ADGRV1: variants seen among roughly 807,000 people sequenced by gnomAD.
ADGRV1 encodes adhesion G protein-coupled receptor V1.
A neutral mutation model predicts 596.2 loss-of-function variants in ADGRV1; 359 were observed. The observed-to-expected ratio is 0.60, with a 90% CI of 0.55 to 0.66. The LOEUF is 0.66. Among genes scored for constraint, ADGRV1 ranks in the 30% least tolerant of loss-of-function variants. The pLI, the probability that ADGRV1 is intolerant of heterozygous loss-of-function variation, is 0.00. For synonymous variants in ADGRV1, 2,681 were observed against 2,679.2 expected, an observed-to-expected ratio of 1.00 and a Z score of -0.02; for missense variants, 7,274 against 7,575.6, an observed-to-expected ratio of 0.96 and a Z score of 1.48.
At chr5:90,861,156 A>G (rs1767514293) in intron 82 of ADGRV1, among the ~76,000 whole-genome samples, 1 of 152,182 alleles carries the variant, frequency 6.6e-6, no homozygotes, top group South Asian at 2.1e-4. Context: ...TAGGAAAAAA[A>G]AGAAAAGGCA....
intron 1 of ADGRV1, among the ~76,000 whole-genome samples, chr5:90,578,281 A>G (rs1389130903): frequency 2.0e-5 from 3 of 152,142 alleles, no homozygotes; most frequent in Admixed American, 6.5e-5. Context: ...TTTGAGATAC[A>G]TTCCATCAAT....
intron 85 of ADGRV1, among the ~76,000 whole-genome samples, chr5:91,030,787 G>A (rs1367878005): frequency 3.9e-5 from 6 of 152,208 alleles, no homozygotes; most frequent in African/African-American, 1.2e-4. Context: ...TCATCAACAT[G>A]ATTTTGTAGT....
chr5:90,905,938 A>G (rs189872168), intron 83 of ADGRV1, among the ~76,000 whole-genome samples: 57 of 152,108 alleles, frequency 3.7e-4, no homozygotes, highest in South Asian at 8.3e-4. Context: ...TTTTATTATG[A>G]AGGAATGTTG....
chr5:91,023,606 A>G (rs944586003), intron 85 of ADGRV1, among the ~76,000 whole-genome samples: 2 of 152,242 alleles, frequency 1.3e-5, no homozygotes, highest in East Asian at 1.9e-4. Flanking sequence ...GAAATACACC[A>G]TATCCCCATC....
chr5:91,086,563 C>G (rs1789894218), intron 86 of ADGRV1, among the ~76,000 whole-genome samples: 1 of 152,170 alleles, frequency 6.6e-6, no homozygotes, highest in Non-Finnish European at 1.5e-5. Context: ...TGATGAGTCT[C>G]ACTATAGACT....
At chr5:90,596,072 A>G (rs1330029443) in intron 1 of ADGRV1, among the ~76,000 whole-genome samples, 1 of 135,778 alleles carries the variant, frequency 7.4e-6, no homozygotes, top group Admixed American at 7.3e-5. Flanking sequence ...CACTTCTCAG[A>G]CGGGGCGGCC....
rs765196550 is a variant in ADGRV1, at chr5:90,788,241, C to T, written c.13824C>T (p.Phe4608=). 1 of 1,611,660 alleles carries T rather than the reference C, an allele frequency of 6.2e-7. No homozygotes were observed. Among genetic ancestry groups the T allele is most frequent in the Non-Finnish European group, 8.5e-7 (1 of 1,177,844 alleles). ...PHEEIEVEET[F]IIKLHLVKGE... ...AAGAAATTGAAGTTGAAGAGACATTCATTATTAAACTTCATCTTGTGAAAG... is the reference window on the plus strand; with the variant it reads ...AAGAAATTGAAGTTGAAGAGACATTTATTATTAAACTTCATCTTGTGAAAG... Residue 4608 remains phenylalanine (F), a synonymous_variant, in exon 68 of 90, where the codon TTC becomes TTT. Transcript: ENST00000405460.
chr5:90,848,545 TTAA>T, intron 78 of ADGRV1, 89 bp from the exon 79 acceptor site: 1 of 564,340 alleles, frequency 1.8e-6, no homozygotes, highest in Non-Finnish European at 2.7e-6. Flanking sequence ...TTAATAACTA[TTAA>T]TAAGGAACAC....
At chr5:90,928,121 C>T (rs531320810) in intron 83 of ADGRV1, among the ~76,000 whole-genome samples, 1 of 152,216 alleles carries the variant, frequency 6.6e-6, no homozygotes, top group Non-Finnish European at 1.5e-5. Flanking sequence ...TGAAGTTGCT[C>T]TTCTCGAGGA....
intron 75 of ADGRV1, 67 bp downstream of exon 75, chr5:90,815,803 C>T: frequency 1.1e-6 from 1 of 939,992 alleles, no homozygotes; most frequent in Non-Finnish European, 1.7e-6. Context: ...AATTTCAATT[C>T]ATACAATGGT....
At chr5:90,568,359 C>T (rs1172150547) in intron 1 of ADGRV1, among the ~76,000 whole-genome samples, 2 of 151,922 alleles carry the variant, frequency 1.3e-5, no homozygotes, top group Non-Finnish European at 2.9e-5. Context: ...TACATGTGCT[C>T]TCTTTTTTGA....
intron 9 of ADGRV1, among the ~76,000 whole-genome samples, chr5:90,634,845 A>C (rs994401372): frequency 6.6e-6 from 1 of 152,172 alleles, no homozygotes; most frequent in African/African-American, 2.4e-5. Context: ...GGAGAGATGC[A>C]GAGATTATTA....
At chr5:90,957,074 A>G (rs552248117) in intron 83 of ADGRV1, among the ~76,000 whole-genome samples, 1 of 152,310 alleles carries the variant, frequency 6.6e-6, no homozygotes, top group East Asian at 1.9e-4. Flanking sequence ...CAGAAAATGC[A>G]GGAAACTAAG....
At chr5:90,765,871 T>G (rs1003030311) in intron 59 of ADGRV1, among the ~76,000 whole-genome samples, 2 of 149,768 alleles carry the variant, frequency 1.3e-5, no homozygotes, top group Admixed American at 6.6e-5. Flanking sequence ...GCCTGGCTGT[T>G]TTTTTTTTTA....
chr5:90,732,599 A>G (rs1001846568), intron 50 of ADGRV1, among the ~76,000 whole-genome samples: 2 of 152,174 alleles, frequency 1.3e-5, no homozygotes, highest in African/African-American at 4.8e-5. Context: ...TCTTTAATCA[A>G]AATCCCCCAT....
rs727504644 is a variant in ADGRV1, at chr5:90,853,380, AGGAGATTACATTC to A, written c.17303_17315del (p.Gly5768GlufsTer14). 1.1e-5 allele frequency: 17 copies of A among 1,613,404 alleles called. No homozygotes were observed. Among genetic ancestry groups the A allele is most frequent in the Non-Finnish European group, 1.4e-5 (17 of 1,179,548 alleles). ...ATGGACACAAGTTTGAAGGAAAGGA[AGGAGATTACATTC>A]GAATTCCAGAGAGGCTACTGGATGT... On this transcript the variant is annotated frameshift_variant, in exon 80 of 90. Transcript: ENST00000405460. LOFTEE classifies it high-confidence loss of function.
Position 90,716,707 on chromosome 5 carries a change from TAGA to T in ADGRV1, c.9431_9433del (p.Glu3144del). Reference sequence around the variant, plus strand: ...ACTCCTTCCAAAGGCTATATTGTTTTAGAAGAAGGTGTTCGATTCAAGGTACAG... The same window carrying T: ...ACTCCTTCCAAAGGCTATATTGTTTTAGAAGGTGTTCGATTCAAGGTACAG... On this transcript the variant is annotated inframe_deletion, in exon 43 of 90. Coordinates refer to ENST00000405460, the MANE Select transcript of ADGRV1 (RefSeq NM_032119.4). The T allele has an allele frequency of 1.2e-6, 2 of 1,612,778 alleles. No homozygotes were observed. The highest frequency in any genetic ancestry group is 1.7e-6 in the Non-Finnish European group (2 of 1,178,848).
At chr5:90,941,525 A>G (rs1237473040) in intron 83 of ADGRV1, among the ~76,000 whole-genome samples, 1 of 152,212 alleles carries the variant, frequency 6.6e-6, no homozygotes, top group Non-Finnish European at 1.5e-5. Flanking sequence ...ACTACTAGGC[A>G]GCAATCCAAA....
Position 90,778,448 on chromosome 5 carries a change from G to C in ADGRV1, c.12688G>C (p.Glu4230Gln). 6.2e-7 allele frequency: 1 copy of C among 1,612,486 alleles called. No homozygotes were observed. Among genetic ancestry groups the C allele is most frequent in the African/African-American group, 1.3e-5 (1 of 74,840 alleles). ...VIQALNDDIP[E>Q]EKSFYEFQLT... Reference sequence around the variant, plus strand: ...CTAGGCTTTGAACGATGACATTCCCGAGGAAAAAAGCTTCTATGAGTTTCA... The same window carrying C: ...CTAGGCTTTGAACGATGACATTCCCCAGGAAAAAAGCTTCTATGAGTTTCA... Residue 4230 changes from glutamate (E) to glutamine (Q), a missense_variant, in exon 63 of 90, where the codon GAG becomes CAG. By Grantham distance (29) the Glu-to-Gln change is conservative. Around this residue, in one of 5 missense-constraint regions of ADGRV1, gnomAD observed 3,643 missense variants for 3,809.2 expected, o/e 0.96. Transcript: ENST00000405460.
Sources: gnomAD v4.1 joint callset for allele counts (sites outside exome capture counted in the v4.1 genomes callset) on GRCh38, gnomAD v4.1.1 for gene constraint, gnomAD v4.1.1 regional missense constraint, MANE v1.5 for transcripts, NCBI Gene and HGNC (gene_info 2026-07-23, HGNC 2026-07-21) for gene names.